The following MAML2 variants were observed in gnomAD, a reference collection of about 807,000 sequenced individuals.
MAML2 encodes the protein mastermind like transcriptional coactivator 2.
Under a neutral mutation model 96.1 loss-of-function variants are expected in MAML2, and 22 were observed. The ratio of observed to expected loss-of-function variants is 0.23; its 90% CI spans 0.16 to 0.33. The LOEUF is 0.33. MAML2 is among the 10% of genes least tolerant of loss of function. The probability of loss-of-function intolerance (pLI) is 1.00; values close to 1 mark genes in which losing one functional copy is unlikely to be tolerated. For synonymous variants in MAML2, 561 were observed against 521.3 expected, an observed-to-expected ratio of 1.08 and a Z score of -1.04; for missense variants, 1,367 against 1,392.4, an observed-to-expected ratio of 0.98 and a Z score of 0.29.
intron 1 of MAML2, among the ~76,000 whole-genome samples, chr11:96,108,435 G>A (rs1860061784): frequency 1.3e-5 from 2 of 152,200 alleles, no homozygotes; most frequent in African/African-American, 4.8e-5. Context: ...CTACTTAATA[G>A]AAGACACTTT....
At chr11:96,301,772 C>A (rs1244948333) in intron 1 of MAML2, among the ~76,000 whole-genome samples, 1 of 152,146 alleles carries the variant, frequency 6.6e-6, no homozygotes, top group Non-Finnish European at 1.5e-5. Context: ...TTCTTGGGCT[C>A]ACACTCAGAT....
At chr11:96,026,238 T>C (rs1858515357) in intron 2 of MAML2, among the ~76,000 whole-genome samples, 1 of 152,248 alleles carries the variant, frequency 6.6e-6, no homozygotes, top group Admixed American at 6.5e-5. Context: ...AATCACACTT[T>C]GGCCAGCAGT....
chr11:96,094,997 C>T (rs1374102922), intron 1 of MAML2, among the ~76,000 whole-genome samples: 1 of 152,102 alleles, frequency 6.6e-6, no homozygotes, highest in Non-Finnish European at 1.5e-5. Context: ...TTAATCTGCA[C>T]AACAATCCCA....
chr11:96,331,282 A>C (rs747450187), intron 1 of MAML2, among the ~76,000 whole-genome samples: 2 of 152,164 alleles, frequency 1.3e-5, no homozygotes, highest in Non-Finnish European at 2.9e-5. Context: ...AACAATAAAC[A>C]AAAAAGACAA....
chr11:96,186,361 G>C (rs1261463941), intron 1 of MAML2, among the ~76,000 whole-genome samples: 8 of 152,168 alleles, frequency 5.3e-5, no homozygotes, highest in Non-Finnish European at 1.0e-4. Flanking sequence ...AGGCCACGGT[G>C]GGCGGATCAC....
chr11:96,018,408 C>T (rs1235508453), intron 2 of MAML2, among the ~76,000 whole-genome samples: 1 of 152,090 alleles, frequency 6.6e-6, no homozygotes, highest in Non-Finnish European at 1.5e-5. Flanking sequence ...TACTGAAAGT[C>T]ATGAATTTGG....
chr11:96,247,883 T>C (rs1224821090), intron 1 of MAML2, among the ~76,000 whole-genome samples: 1 of 152,132 alleles, frequency 6.6e-6, no homozygotes, highest in East Asian at 1.9e-4. Flanking sequence ...CCAACACATC[T>C]GACCACTTAA....
At chr11:96,196,916 C>T (rs1861741688) in intron 1 of MAML2, among the ~76,000 whole-genome samples, 1 of 141,634 alleles carries the variant, frequency 7.1e-6, no homozygotes, top group Non-Finnish European at 1.5e-5. Flanking sequence ...CAGTACATCT[C>T]TATGTGAATT....
intron 1 of MAML2, among the ~76,000 whole-genome samples, chr11:96,327,926 T>A (rs1257916804): frequency 6.6e-6 from 1 of 151,754 alleles, no homozygotes; most frequent in African/African-American, 2.4e-5. Flanking sequence ...TGAAACCCCA[T>A]CTCTACTAAA....
intron 1 of MAML2, among the ~76,000 whole-genome samples, chr11:96,334,813 C>A (rs559487467): frequency 1.3e-5 from 2 of 152,340 alleles, no homozygotes; most frequent in Admixed American, 6.5e-5. Context: ...AGAGCTGTAG[C>A]ATGTGTCAGT....
chr11:95,990,210 T>A (rs1166887357), intron 3 of MAML2, among the ~76,000 whole-genome samples: 2 of 152,228 alleles, frequency 1.3e-5, no homozygotes, highest in Non-Finnish European at 2.9e-5. Flanking sequence ...TAGTATATTT[T>A]ATACTTTTAC....
chr11:96,294,164 G>T (rs1388971748), intron 1 of MAML2, among the ~76,000 whole-genome samples: 2 of 152,088 alleles, frequency 1.3e-5, no homozygotes, highest in Non-Finnish European at 2.9e-5. Context: ...TAAAAAATAA[G>T]TACATCATAA....
intron 1 of MAML2, among the ~76,000 whole-genome samples, chr11:96,105,037 A>T (rs554652745): frequency 3.2e-4 from 48 of 152,362 alleles, no homozygotes; most frequent in Non-Finnish European, 6.0e-4. Flanking sequence ...TCCCAACTAA[A>T]ACAAAGAATA....
chr11:96,054,153 T>A (rs1161912117), intron 2 of MAML2, among the ~76,000 whole-genome samples: 2 of 152,198 alleles, frequency 1.3e-5, no homozygotes, highest in Non-Finnish European at 2.9e-5. Flanking sequence ...TTCTTATTTC[T>A]TAGGACATTT....
chr11:96,088,849 C>T (rs1314596885), intron 2 of MAML2, among the ~76,000 whole-genome samples: 1 of 152,116 alleles, frequency 6.6e-6, no homozygotes, highest in Non-Finnish European at 1.5e-5. Flanking sequence ...TCTCTAGCTG[C>T]AAATATGGAT....
intron 1 of MAML2, among the ~76,000 whole-genome samples, chr11:96,231,459 A>T (rs1369020105): frequency 6.6e-6 from 1 of 152,164 alleles, no homozygotes. Flanking sequence ...ATAATCAATC[A>T]CGTAATATTT....
intron 1 of MAML2, among the ~76,000 whole-genome samples, chr11:96,127,374 T>C (rs569278400): frequency 6.6e-6 from 1 of 152,300 alleles, no homozygotes; most frequent in South Asian, 2.1e-4. Flanking sequence ...TTAGGATTTG[T>C]ATGACATGTT....
intron 2 of MAML2, among the ~76,000 whole-genome samples, chr11:95,992,371 T>C (rs1261902361): frequency 6.6e-6 from 1 of 152,192 alleles, no homozygotes; most frequent in East Asian, 1.9e-4. Flanking sequence ...GAGAAAATAT[T>C]GATTAAAAAC....
intron 1 of MAML2, among the ~76,000 whole-genome samples, chr11:96,292,754 C>T (rs1370641141): frequency 6.6e-6 from 1 of 152,128 alleles, no homozygotes; most frequent in Non-Finnish European, 1.5e-5. Context: ...CAGGGCATTG[C>T]TATATGGCTA....
Sources: gnomAD v4.1 joint callset for allele counts (sites outside exome capture counted in the v4.1 genomes callset) on GRCh38, gnomAD v4.1.1 for gene constraint, MANE v1.5 for transcripts, NCBI Gene and HGNC (gene_info 2026-07-23, HGNC 2026-07-21) for gene names.